SOBP: variants seen among roughly 807,000 people sequenced by gnomAD.
The protein encoded by SOBP is sine oculis binding protein homolog.
Under a neutral mutation model 53.6 loss-of-function variants are expected in SOBP, and 4 were observed. The ratio of observed to expected loss-of-function variants is 0.07; its 90% CI spans 0.04 to 0.17. SOBP has a LOEUF of 0.17. SOBP is among the 10% of genes least tolerant of loss of function. The pLI is 1.00. For missense variants in SOBP, 1,088 were observed against 1,204.7 expected (o/e 0.90, Z 1.43); for synonymous variants, 584 against 522.6 (o/e 1.12, Z -1.60).
Position 107,490,725 on chromosome 6 carries a change from C to T in SOBP, c.96+13C>T, listed in dbSNP as rs1782557262. The T allele has an allele frequency of 6.4e-7, 1 of 1,569,808 alleles. No individual in the cohort carries two copies. The highest frequency in any genetic ancestry group is 1.4e-5 in the African/African-American group (1 of 74,020). On this transcript the variant is annotated intron_variant, in intron 1 of 6. Transcript: ENST00000317357. ...TGAGGAGATGAAGGTATTTTTTGAT[C>T]TCGGGGGCCAGGGAGACTGAGCTCT...
At chr6:107,518,186 G>A (rs1410052320) in intron 3 of SOBP, among the ~76,000 whole-genome samples, 1 of 152,136 alleles carries the variant, frequency 6.6e-6, no homozygotes, top group Non-Finnish European at 1.5e-5. Flanking sequence ...GGCAAAAAAT[G>A]TAAACAGGCC....
chr6:107,631,052 G>A (rs980122506), intron 5 of SOBP, among the ~76,000 whole-genome samples: 45 of 152,254 alleles, frequency 3.0e-4, no homozygotes, highest in African/African-American at 1.1e-3. Context: ...GAAGGGAAGG[G>A]AGAACATATA....
intron 4 of SOBP, among the ~76,000 whole-genome samples, chr6:107,556,602 G>A (rs947144187): frequency 1.2e-4 from 19 of 152,198 alleles, no homozygotes; most frequent in African/African-American, 3.6e-4. Context: ...AAAATGGCAT[G>A]AATTAATTAT....
At chr6:107,563,081 C>A (rs1263329815) in intron 4 of SOBP, among the ~76,000 whole-genome samples, 1 of 151,824 alleles carries the variant, frequency 6.6e-6, no homozygotes, top group Non-Finnish European at 1.5e-5. Flanking sequence ...GAAACTGAGA[C>A]CCTGTCTCTA....
At chr6:107,561,443 T>C (rs1029413597) in intron 4 of SOBP, among the ~76,000 whole-genome samples, 4 of 152,216 alleles carry the variant, frequency 2.6e-5, no homozygotes, top group Non-Finnish European at 5.9e-5. Flanking sequence ...AGATATTCTG[T>C]GCTTGCATAG....
chr6:107,546,142 G>A (rs1784295220), intron 4 of SOBP, among the ~76,000 whole-genome samples: 1 of 152,200 alleles, frequency 6.6e-6, no homozygotes, highest in Admixed American at 6.5e-5. Context: ...ATTTCGGAAA[G>A]CAACCAAAAA....
chr6:107,516,082 G>A (rs1311289657), intron 3 of SOBP, among the ~76,000 whole-genome samples: 1 of 152,104 alleles, frequency 6.6e-6, no homozygotes, highest in African/African-American at 2.4e-5. Context: ...TCTGTCCAAA[G>A]GTTATCAACA....
intron 4 of SOBP, among the ~76,000 whole-genome samples, chr6:107,562,352 G>A (rs1562616490): frequency 6.6e-6 from 1 of 152,126 alleles, no homozygotes. Flanking sequence ...TTTACTTAAT[G>A]ATGGTATATT....
At chr6:107,620,435 G>A (rs1786961062) in intron 5 of SOBP, among the ~76,000 whole-genome samples, 1 of 152,092 alleles carries the variant, frequency 6.6e-6, no homozygotes, top group Non-Finnish European at 1.5e-5. Flanking sequence ...CATCTAATTG[G>A]TCCATTGAGT....
At chr6:107,568,323 T>A (rs1583220341) in intron 4 of SOBP, among the ~76,000 whole-genome samples, 1 of 152,186 alleles carries the variant, frequency 6.6e-6, no homozygotes, top group Non-Finnish European at 1.5e-5. Context: ...AACACAATTT[T>A]AAAAATATGT....
intron 5 of SOBP, among the ~76,000 whole-genome samples, chr6:107,611,014 GC>G (rs1786576022): frequency 6.6e-6 from 1 of 152,246 alleles, no homozygotes; most frequent in Non-Finnish European, 1.5e-5. Context: ...CTCAGCAGGT[GC>G]TGCCCAGTGG....
chr6:107,605,971 A>AC (rs1368097913), intron 5 of SOBP, among the ~76,000 whole-genome samples: 4 of 151,642 alleles, frequency 2.6e-5, no homozygotes, highest in African/African-American at 9.7e-5. Flanking sequence ...GCTTCAGTGA[A>AC]CTCCTTATCA....
chr6:107,523,383 T>C (rs1167488917), intron 3 of SOBP, among the ~76,000 whole-genome samples: 1 of 152,246 alleles, frequency 6.6e-6, no homozygotes, highest in African/African-American at 2.4e-5. Flanking sequence ...TGAAGTAAAT[T>C]ATTTTGTTGA....
At chr6:107,615,730 G>A (rs915845798) in intron 5 of SOBP, among the ~76,000 whole-genome samples, 7 of 152,246 alleles carry the variant, frequency 4.6e-5, no homozygotes, top group Non-Finnish European at 1.0e-4. Flanking sequence ...TGCCTCTGGA[G>A]AGCAGGAAGA....
chr6:107,610,797 C>T (rs1583270482), intron 5 of SOBP, among the ~76,000 whole-genome samples: 1 of 47,324 alleles, frequency 2.1e-5, no homozygotes, highest in Non-Finnish European at 3.3e-5. Flanking sequence ...TGTGCACACG[C>T]ACACACACAC....
At position 107,633,878 on chromosome 6, in the gene SOBP, T is replaced by G. The variant is rs757360774; in HGVS notation, c.1034T>G (p.Ile345Ser). The G allele has an allele frequency of 6.8e-6, 11 of 1,613,794 alleles. No homozygotes were observed. The highest frequency in any genetic ancestry group is 9.3e-6 in the Non-Finnish European group (11 of 1,179,994). Residue 345 changes from isoleucine (I) to serine (S), a missense_variant, in exon 6 of 7, where the codon ATC becomes AGC. Coordinates refer to ENST00000317357, the MANE Select transcript of SOBP (RefSeq NM_018013.4). ...SDTANCSVTK[I>S]PTPVPKSIPI... ...ACTGCCAACTGCTCTGTCACTAAAATCCCCACGCCAGTGCCCAAGTCCATC... is the reference window on the plus strand; with the variant it reads ...ACTGCCAACTGCTCTGTCACTAAAAGCCCCACGCCAGTGCCCAAGTCCATC...
At chr6:107,515,626 G>A (rs1055459372) in intron 3 of SOBP, among the ~76,000 whole-genome samples, 4 of 152,150 alleles carry the variant, frequency 2.6e-5, no homozygotes, top group Non-Finnish European at 5.9e-5. Flanking sequence ...GCACATGCCT[G>A]TAGTCCCAGA....
chr6:107,655,329 T>A (rs1771986522), intron 6 of SOBP, among the ~76,000 whole-genome samples: 1 of 152,096 alleles, frequency 6.6e-6, no homozygotes, highest in Non-Finnish European at 1.5e-5. Context: ...CAGAGTCTTT[T>A]CCTGTGTCAC....
At chr6:107,580,513 G>GT (rs1785369716) in intron 4 of SOBP, among the ~76,000 whole-genome samples, 2 of 152,316 alleles carry the variant, frequency 1.3e-5, no homozygotes, top group East Asian at 1.9e-4. Context: ...CCGTCAAGGA[G>GT]TTTCAGTCTG....
Sources: gnomAD v4.1 joint callset for allele counts (sites outside exome capture counted in the v4.1 genomes callset) on GRCh38, gnomAD v4.1.1 for gene constraint, MANE v1.5 for transcripts, NCBI Gene and HGNC (gene_info 2026-07-23, HGNC 2026-07-21) for gene names.